Variants in DMXL2 observed in about 807,000 individuals in gnomAD.
The protein encoded by DMXL2 is Dmx like 2, also known as dmX-like protein 2.
A neutral mutation model predicts 331.1 loss-of-function variants in DMXL2; 103 were observed. The observed-to-expected ratio is 0.31, with a 90% CI of 0.27 to 0.37. DMXL2 has a LOEUF of 0.37. Ranked by LOEUF, DMXL2 falls within the 10% of genes least tolerant of loss-of-function variation. The probability of loss-of-function intolerance (pLI) is 1.00; values close to 1 mark genes in which losing one functional copy is unlikely to be tolerated. For synonymous variants in DMXL2, 1,281 were observed against 1,252.1 expected, an observed-to-expected ratio of 1.02 and a Z score of -0.49; for missense variants, 3,171 against 3,642.9, an observed-to-expected ratio of 0.87 and a Z score of 3.33.
chr15:51,488,924 T>C (rs1193294368), intron 20 of DMXL2, among the ~76,000 whole-genome samples: 1 of 152,206 alleles, frequency 6.6e-6, no homozygotes, highest in African/African-American at 2.4e-5. Flanking sequence ...TTTTGTTATC[T>C]TATTGCATCA....
chr15:51,456,071 T>G lies in DMXL2; in HGVS notation c.8521A>C (p.Asn2841His), dbSNP rs755676415. The G allele has an allele frequency of 1.7e-5, 27 of 1,614,032 alleles. No individual in the cohort carries two copies. Among genetic ancestry groups the G allele is most frequent in the African/African-American group, 2.7e-5 (2 of 74,940 alleles). The change falls in exon 39 of 44, where the codon AAC becomes CAC. Residue 2841 changes from asparagine (N) to histidine (H), a missense_variant. Around this residue, in one of 7 missense-constraint regions of DMXL2, gnomAD observed 766 missense variants for 940.5 expected, o/e 0.81. Coordinates refer to ENST00000560891, the MANE Select transcript of DMXL2 (RefSeq NM_001378457.1). ...AGTAGCCCCCAGAAACTAACCTTGT[T>G]GCCTTGTGAATTAAAATATAATCTA... ...VTRLYFNSQGNKCGVADGEGF... is the reference protein window; with the variant it reads ...VTRLYFNSQGHKCGVADGEGF...
intron 2 of DMXL2, among the ~76,000 whole-genome samples, chr15:51,569,780 A>G (rs1409006356): frequency 6.6e-6 from 1 of 151,922 alleles, no homozygotes; most frequent in African/African-American, 2.4e-5. Context: ...AAGGAATACT[A>G]TCAACATCAC....
chr15:51,568,002 G>C (rs954338894), intron 3 of DMXL2: 3 of 153,004 alleles, frequency 2.0e-5, no homozygotes, highest in African/African-American at 7.2e-5. Flanking sequence ...AGGACCATTT[G>C]ACAGGTTGAG....
intron 13 of DMXL2, among the ~76,000 whole-genome samples, chr15:51,519,642 T>TG (rs1228018941): frequency 5.5e-5 from 8 of 144,528 alleles, no homozygotes; most frequent in African/African-American, 2.1e-4. Flanking sequence ...TCTTGTTTTT[T>TG]TTTTTTTTTT....
intron 19 of DMXL2, among the ~76,000 whole-genome samples, chr15:51,492,211 G>C (rs2042854976): frequency 6.6e-6 from 1 of 152,160 alleles, no homozygotes; most frequent in South Asian, 2.1e-4. Context: ...CCCCACAAGA[G>C]CCCAGGGGAA....
chr15:51,515,121 T>C (rs1413187474), intron 14 of DMXL2, among the ~76,000 whole-genome samples: 3 of 152,062 alleles, frequency 2.0e-5, no homozygotes, highest in African/African-American at 7.2e-5. Flanking sequence ...AGAACTAAAC[T>C]TACACATAAG....
intron 2 of DMXL2, among the ~76,000 whole-genome samples, chr15:51,569,693 T>C (rs1181847827): frequency 6.6e-6 from 1 of 152,218 alleles, no homozygotes; most frequent in Non-Finnish European, 1.5e-5. Flanking sequence ...AAACAGGGTC[T>C]GGAGTGGACC....
At chr15:51,473,605 T>C (rs190254626) in intron 28 of DMXL2, among the ~76,000 whole-genome samples, 113 of 152,314 alleles carry the variant, frequency 7.4e-4, no homozygotes, top group African/African-American at 2.6e-3. Context: ...GTCATTAAAC[T>C]TGTGTGCCAC....
chr15:51,518,634 T>C (rs1352890803), intron 13 of DMXL2, among the ~76,000 whole-genome samples: 1 of 152,202 alleles, frequency 6.6e-6, no homozygotes, highest in East Asian at 1.9e-4. Context: ...GGCTGCACAC[T>C]GAATCACCTG....
chr15:51,585,298 G>C (rs565915386), intron 1 of DMXL2, among the ~76,000 whole-genome samples: 1 of 140,550 alleles, frequency 7.1e-6, no homozygotes, highest in African/African-American at 2.7e-5. Context: ...TTTGAAATAC[G>C]TCCCATCAAT....
chr15:51,520,792 G>A (rs190203826), intron 13 of DMXL2, among the ~76,000 whole-genome samples: 108 of 152,266 alleles, frequency 7.1e-4, no homozygotes, highest in African/African-American at 2.5e-3. Context: ...GGGAGGCAGA[G>A]GTTGCAGTGA....
intron 1 of DMXL2, among the ~76,000 whole-genome samples, chr15:51,578,084 A>C (rs2051164277): frequency 6.6e-6 from 1 of 152,176 alleles, no homozygotes; most frequent in African/African-American, 2.4e-5. Context: ...GACAGTCATA[A>C]AATAGTAGAA....
intron 6 of DMXL2, among the ~76,000 whole-genome samples, chr15:51,550,242 C>T (rs979938108): frequency 2.0e-5 from 3 of 152,092 alleles, no homozygotes; most frequent in African/African-American, 7.2e-5. Flanking sequence ...ATAATTAAAA[C>T]CCTCAGCAAA....
Position 51,622,734 on chromosome 15 carries a change from C to T in DMXL2, c.-189G>A. 3 of 1,052,082 alleles carry T rather than the reference C, an allele frequency of 2.9e-6. No individual in the cohort carries two copies. Among genetic ancestry groups the T allele is most frequent in the South Asian group, 3.6e-5 (2 of 55,948 alleles). The allele number at this position is 1,052,082 out of a possible 1,614,324, so 65.2% of individuals were successfully genotyped here. On this transcript the variant is annotated 5_prime_UTR_variant, in exon 1 of 44. Transcript: ENST00000560891. ...GTCCCTGCCATGGGAGCTCCTCGAC[C>T]GCCGCCGCCGCCCGGGTCGCCGCTC...
intron 13 of DMXL2, among the ~76,000 whole-genome samples, chr15:51,528,920 C>T (rs1215462954): frequency 4.6e-5 from 7 of 152,204 alleles, no homozygotes; most frequent in Non-Finnish European, 1.0e-4. Flanking sequence ...CTTCTCTGAC[C>T]ACATTGGAAT....
intron 13 of DMXL2, among the ~76,000 whole-genome samples, chr15:51,527,761 C>G (rs1186626037): frequency 6.7e-6 from 1 of 148,654 alleles, no homozygotes; most frequent in African/African-American, 2.5e-5. Context: ...GTACAAAACT[C>G]ACTGGTAATA....
intron 13 of DMXL2, among the ~76,000 whole-genome samples, chr15:51,524,378 C>T (rs138022122): frequency 3.3e-5 from 5 of 152,238 alleles, no homozygotes; most frequent in Admixed American, 2.0e-4. Flanking sequence ...CTCCCCCAAT[C>T]GTCCCCCAAG....
At chr15:51,576,272 G>C in intron 1 of DMXL2, 91 bp from the exon 2 acceptor site, 1 of 1,001,262 alleles carries the variant, frequency 1.0e-6, no homozygotes, top group Non-Finnish European at 1.3e-6. Flanking sequence ...AGATTTTATT[G>C]CCATTATAAA....
chr15:51,591,713 T>G (rs1025093778), intron 1 of DMXL2, among the ~76,000 whole-genome samples: 4 of 152,092 alleles, frequency 2.6e-5, no homozygotes, highest in African/African-American at 9.7e-5. Flanking sequence ...CATGGCCGGG[T>G]ACTCCTCTGA....
Sources: gnomAD v4.1 joint callset for allele counts (sites outside exome capture counted in the v4.1 genomes callset) on GRCh38, gnomAD v4.1.1 for gene constraint, gnomAD v4.1.1 regional missense constraint, MANE v1.5 for transcripts, NCBI Gene and HGNC (gene_info 2026-07-23, HGNC 2026-07-21) for gene names.